The following CDK14 variants were observed in gnomAD, a reference collection of about 807,000 sequenced individuals.
CDK14 encodes the protein cyclin-dependent kinase 14.
CDK14 carries 34 observed loss-of-function variants against 60.7 expected under a neutral mutation model. That is an observed-to-expected ratio of 0.56 (90% confidence interval 0.43 to 0.75). CDK14 has a LOEUF of 0.75. Among genes scored for constraint, CDK14 ranks in the 30% least tolerant of loss-of-function variants. The pLI is 0.00. For synonymous variants in CDK14, 197 were observed against 203.7 expected, an observed-to-expected ratio of 0.97 and a Z score of 0.28; for missense variants, 482 against 564.1, an observed-to-expected ratio of 0.85 and a Z score of 1.47.
rs1208967433 is a variant in CDK14 at position 90,618,590 on chromosome 7, ACTGGTGCAGG to A, written c.123+14343_123+14352del. 5.3e-5 allele frequency among the ~76,000 whole-genome samples: 8 copies of A among 152,188 alleles called. No homozygotes were observed. The South Asian group carries it at 1.7e-3, about 32-fold the overall frequency. On this transcript the variant is annotated intron_variant, in intron 2 of 14. Coordinates refer to ENST00000380050, the MANE Select transcript of CDK14 (RefSeq NM_001287135.2). ...AGACATAATACTTTTTTGATGTGCA[ACTGGTGCAGG>A]CAAGGGAAGATGAAGGGGGAAGTCT...
chr7:90,985,102 T>G (rs1433638088), intron 10 of CDK14, among the ~76,000 whole-genome samples: 1 of 152,222 alleles, frequency 6.6e-6, no homozygotes, highest in Non-Finnish European at 1.5e-5. Flanking sequence ...AGAGAGAAAC[T>G]GGGCGAGTGG....
chr7:90,917,315 A>C (rs927699353), intron 7 of CDK14, among the ~76,000 whole-genome samples: 4 of 152,140 alleles, frequency 2.6e-5, no homozygotes, highest in Non-Finnish European at 5.9e-5. Flanking sequence ...AAAATTGATT[A>C]TTTACATTTT....
chr7:91,035,405 T>C (rs949120689), intron 10 of CDK14, among the ~76,000 whole-genome samples: 1 of 152,230 alleles, frequency 6.6e-6, no homozygotes, highest in Non-Finnish European at 1.5e-5. Context: ...CCTTCTTTGC[T>C]GTATATCAAT....
intron 5 of CDK14, among the ~76,000 whole-genome samples, chr7:90,794,156 G>A (rs1181214110): frequency 6.6e-6 from 1 of 152,158 alleles, no homozygotes; most frequent in Non-Finnish European, 1.5e-5. Flanking sequence ...TTCAAAAGGG[G>A]AGGGAGTGTA....
chr7:90,897,078 G>T (rs570784986), intron 6 of CDK14, among the ~76,000 whole-genome samples: 3 of 151,930 alleles, frequency 2.0e-5, no homozygotes, highest in Non-Finnish European at 4.4e-5. Context: ...GAAATTTTCC[G>T]TTTCTTCTTT....
intron 10 of CDK14, among the ~76,000 whole-genome samples, chr7:90,997,511 G>C (rs542167181): frequency 6.6e-5 from 10 of 152,192 alleles, no homozygotes; most frequent in African/African-American, 2.4e-4. Context: ...GCAGTTCTTT[G>C]TTCTAATAAT....
intron 10 of CDK14, 59 bp from the exon 11 acceptor site, chr7:91,045,838 G>T (rs1353359150): frequency 3.6e-6 from 4 of 1,124,932 alleles, no homozygotes; most frequent in Non-Finnish European, 5.4e-6. Context: ...CTACACTTGA[G>T]AATTTTGAGT....
chr7:90,714,149 G>T (rs755702508), intron 2 of CDK14, among the ~76,000 whole-genome samples: 61 of 152,030 alleles, frequency 4.0e-4, no homozygotes, highest in Non-Finnish European at 7.5e-4. Flanking sequence ...ATAAAAGGAG[G>T]ATGTAACAGA....
At chr7:90,687,881 T>C (rs780183987) in intron 2 of CDK14, among the ~76,000 whole-genome samples, 3 of 152,192 alleles carry the variant, frequency 2.0e-5, no homozygotes, top group Non-Finnish European at 4.4e-5. Flanking sequence ...AGTGGCCTCT[T>C]TCTTTTGATG....
chr7:90,943,605 T>C (rs1239744567), intron 8 of CDK14, among the ~76,000 whole-genome samples: 3 of 152,198 alleles, frequency 2.0e-5, no homozygotes, highest in Non-Finnish European at 4.4e-5. Flanking sequence ...TTAATAGCCT[T>C]ATTAATAGAC....
chr7:90,889,667 C>A (rs1792054380), intron 6 of CDK14, among the ~76,000 whole-genome samples: 1 of 152,140 alleles, frequency 6.6e-6, no homozygotes, highest in African/African-American at 2.4e-5. Flanking sequence ...ACTACTTTTA[C>A]CCTCTTTAGG....
chr7:90,801,320 C>G (rs1209937728), intron 5 of CDK14, among the ~76,000 whole-genome samples: 1 of 152,146 alleles, frequency 6.6e-6, no homozygotes, highest in Non-Finnish European at 1.5e-5. Flanking sequence ...TAACTTTCTC[C>G]AATGTGATTT....
At chr7:91,194,426 G>A (rs187351511) in intron 14 of CDK14, among the ~76,000 whole-genome samples, 1 of 151,954 alleles carries the variant, frequency 6.6e-6, no homozygotes, top group African/African-American at 2.4e-5. Context: ...GAGCTGATTG[G>A]GCTGATTTTT....
chr7:90,773,834 C>T (rs1482931071), intron 4 of CDK14, among the ~76,000 whole-genome samples: 3 of 146,540 alleles, frequency 2.0e-5, no homozygotes, highest in Non-Finnish European at 3.0e-5. Context: ...TGGCATAGGT[C>T]TTCTCTTCCC....
chr7:90,628,901 A>G (rs1487898571), intron 2 of CDK14, among the ~76,000 whole-genome samples: 3 of 151,866 alleles, frequency 2.0e-5, no homozygotes, highest in African/African-American at 7.3e-5. Context: ...TAGGTCTGAG[A>G]TGAAAGTTTG....
Position 90,822,887 on chromosome 7 carries a change from A to G in CDK14, c.544+32235A>G, listed in dbSNP as rs369986552. 2.6e-5 allele frequency among the ~76,000 whole-genome samples: 4 copies of G among 152,328 alleles called. No homozygotes were observed. The East Asian group carries it at 7.7e-4, about 29-fold the overall frequency. On this transcript the variant is annotated intron_variant, in intron 5 of 14. Transcript: ENST00000380050. ...AATCTTTAATTTCTTGACCAGGTGC[A>G]GATTTCATGGATGTATAATGCTTGC...
chr7:90,920,406 A>G (rs1465851525), intron 8 of CDK14, among the ~76,000 whole-genome samples: 1 of 152,218 alleles, frequency 6.6e-6, no homozygotes. Flanking sequence ...GAAAAGACTA[A>G]AATTTATTGA....
chr7:90,671,427 C>T (rs1403621359), intron 2 of CDK14, among the ~76,000 whole-genome samples: 1 of 151,596 alleles, frequency 6.6e-6, no homozygotes, highest in Non-Finnish European at 1.5e-5. Context: ...AAGATGTAAA[C>T]AAATGAAAGA....
chr7:90,865,272 G>A (rs1791139534), intron 6 of CDK14, among the ~76,000 whole-genome samples: 1 of 152,124 alleles, frequency 6.6e-6, no homozygotes, highest in South Asian at 2.1e-4. Context: ...CTTAGGGATA[G>A]TCTTCTCATT....
Sources: gnomAD v4.1 joint callset for allele counts (sites outside exome capture counted in the v4.1 genomes callset) on GRCh38, gnomAD v4.1.1 for gene constraint, MANE v1.5 for transcripts, NCBI Gene and HGNC (gene_info 2026-07-23, HGNC 2026-07-21) for gene names.